The following HPSE2 variants were observed in gnomAD, a reference collection of about 807,000 sequenced individuals.
HPSE2 encodes the protein inactive heparanase-2.
A neutral mutation model predicts 60.5 loss-of-function variants in HPSE2; 38 were observed. The ratio of observed to expected loss-of-function variants is 0.63; its 90% CI spans 0.48 to 0.82. HPSE2 has a LOEUF of 0.82. HPSE2 is among the 40% of genes least tolerant of loss of function. The pLI, the probability that HPSE2 is intolerant of heterozygous loss-of-function variation, is 0.00. For synonymous variants in HPSE2, 295 were observed against 293.2 expected (o/e 1.01, Z -0.06); for missense variants, 713 against 740.4 (o/e 0.96, Z 0.43).
intron 9 of HPSE2, among the ~76,000 whole-genome samples, chr10:98,551,301 T>A (rs1008052852): frequency 1.3e-5 from 2 of 152,206 alleles, no homozygotes; most frequent in African/African-American, 2.4e-5. Context: ...AGAGGATGCA[T>A]ACTTCTCTAG....
At chr10:98,962,567 G>A (rs1394390478) in intron 3 of HPSE2, among the ~76,000 whole-genome samples, 1 of 151,206 alleles carries the variant, frequency 6.6e-6, no homozygotes, top group Non-Finnish European at 1.5e-5. Flanking sequence ...CATAGTGTTG[G>A]AAGTTCTGGC....
chr10:98,542,474 T>C (rs1371243986), intron 9 of HPSE2, among the ~76,000 whole-genome samples: 1 of 152,036 alleles, frequency 6.6e-6, no homozygotes, highest in African/African-American at 2.4e-5. Context: ...CAAAGCTGGA[T>C]GGAGAATGAC....
intron 2 of HPSE2, among the ~76,000 whole-genome samples, chr10:99,160,161 G>A (rs1441589797): frequency 1.3e-5 from 2 of 150,818 alleles, no homozygotes; most frequent in Non-Finnish European, 2.9e-5. Flanking sequence ...GAAAAGATAA[G>A]CCACCAACTG....
At chr10:98,536,974 A>T (rs1209378849) in intron 9 of HPSE2, among the ~76,000 whole-genome samples, 1 of 152,212 alleles carries the variant, frequency 6.6e-6, no homozygotes, top group Admixed American at 6.5e-5. Flanking sequence ...TCTGAATTTT[A>T]TTCCAGAGGC....
At chr10:98,725,167 G>A (rs967721111) in intron 4 of HPSE2, among the ~76,000 whole-genome samples, 3 of 152,098 alleles carry the variant, frequency 2.0e-5, no homozygotes, top group Non-Finnish European at 2.9e-5. Context: ...CCAAAAAAGA[G>A]CCCACATTGC....
chr10:99,189,644 T>C (rs1437174923), intron 2 of HPSE2, among the ~76,000 whole-genome samples: 1 of 152,210 alleles, frequency 6.6e-6, no homozygotes, highest in Non-Finnish European at 1.5e-5. Flanking sequence ...CCCGAAAGAA[T>C]GCATTTGGCT....
chr10:98,705,783 C>T (rs1180297157), intron 5 of HPSE2, among the ~76,000 whole-genome samples: 1 of 151,994 alleles, frequency 6.6e-6, no homozygotes, highest in African/African-American at 2.4e-5. Flanking sequence ...AGAGGGAGAG[C>T]ATTAGCATAA....
At chr10:98,791,875 A>G (rs1950662411) in intron 3 of HPSE2, among the ~76,000 whole-genome samples, 1 of 152,104 alleles carries the variant, frequency 6.6e-6, no homozygotes, top group Admixed American at 6.6e-5. Context: ...TTTTTCTGTT[A>G]CTTGATTTCT....
intron 9 of HPSE2, among the ~76,000 whole-genome samples, chr10:98,539,486 A>T (rs1207970541): frequency 6.6e-6 from 1 of 152,098 alleles, no homozygotes; most frequent in Non-Finnish European, 1.5e-5. Flanking sequence ...ACGCCATTGC[A>T]CTCCAGGCTG....
chr10:98,875,943 G>A (rs866057543), intron 3 of HPSE2, among the ~76,000 whole-genome samples: 39 of 151,994 alleles, frequency 2.6e-4, no homozygotes, highest in Non-Finnish European at 3.5e-4. Context: ...AGGCTTTGAA[G>A]TCACTCAGCT....
chr10:99,035,532 T>G (rs1005475697), intron 3 of HPSE2, among the ~76,000 whole-genome samples: 4 of 152,234 alleles, frequency 2.6e-5, no homozygotes, highest in Non-Finnish European at 2.9e-5. Flanking sequence ...CTTAAAATAC[T>G]AAGCATAGTA....
At chr10:99,069,036 T>C (rs892685267) in intron 3 of HPSE2, among the ~76,000 whole-genome samples, 1 of 152,188 alleles carries the variant, frequency 6.6e-6, no homozygotes, top group Non-Finnish European at 1.5e-5. Flanking sequence ...ATTAAACATT[T>C]AGGAAGAAAT....
intron 7 of HPSE2, among the ~76,000 whole-genome samples, chr10:98,631,129 T>G (rs1400478865): frequency 6.6e-6 from 1 of 152,230 alleles, no homozygotes; most frequent in Non-Finnish European, 1.5e-5. Flanking sequence ...GTGCCATCTT[T>G]GCCCATTTTC....
intron 2 of HPSE2, among the ~76,000 whole-genome samples, chr10:99,212,497 T>C (rs2133911367): frequency 6.6e-6 from 1 of 152,272 alleles, no homozygotes; most frequent in East Asian, 1.9e-4. Context: ...AAGGAAATCC[T>C]GTCATTTGCA....
At chr10:99,250,355 C>T in the HPSE2 span, among the ~76,000 whole-genome samples, 1 of 151,986 alleles carries the variant, frequency 6.6e-6, no homozygotes, top group Non-Finnish European at 1.5e-5. Context: ...TTAATAGCAA[C>T]AAAAGAATAG....
chr10:99,252,141 G>C, the HPSE2 span, among the ~76,000 whole-genome samples: 1 of 151,912 alleles, frequency 6.6e-6, no homozygotes, highest in Admixed American at 6.6e-5. Flanking sequence ...AAACCCCCAA[G>C]AAACTAGACA....
chr10:98,691,687 A>G (rs1382236469), intron 6 of HPSE2, among the ~76,000 whole-genome samples: 1 of 152,222 alleles, frequency 6.6e-6, no homozygotes, highest in Non-Finnish European at 1.5e-5. Context: ...CTTGTTATCA[A>G]AGCAGTAGTA....
chr10:98,477,877 TC>T lies in HPSE2; in HGVS notation c.1613+4758del, dbSNP rs545265414. ...TCAGACCAGCAGCATCATCAGATTC[TC>T]ATAGAAGTGTGAACCCTATTGTGAA... On this transcript the variant is annotated intron_variant, in intron 11 of 11. Transcript: ENST00000370552. Among the ~76,000 whole-genome samples, 759 of 152,276 alleles carry T rather than the reference TC, an allele frequency of 5.0e-3. 7 individuals are homozygous for T. Among genetic ancestry groups the T allele is most frequent in the African/African-American group, 0.017 (721 of 41,536 alleles).
intron 11 of HPSE2, among the ~76,000 whole-genome samples, chr10:98,463,843 G>A (rs2133584478): frequency 6.6e-6 from 1 of 152,118 alleles, no homozygotes; most frequent in East Asian, 1.9e-4. Flanking sequence ...TTCAGGCCGA[G>A]TGCGGTGGTT....
Sources: gnomAD v4.1 joint callset for allele counts (sites outside exome capture counted in the v4.1 genomes callset) on GRCh38, gnomAD v4.1.1 for gene constraint, MANE v1.5 for transcripts, NCBI Gene and HGNC (gene_info 2026-07-23, HGNC 2026-07-21) for gene names.